SELENOI: variants seen among roughly 807,000 people sequenced by gnomAD.
SELENOI encodes selenoprotein I, also known as ethanolaminephosphotransferase 1.
In SELENOI, 24 loss-of-function variants were observed where a neutral mutation model predicts 50.7. The ratio of observed to expected loss-of-function variants is 0.47; its 90% CI spans 0.34 to 0.67. The LOEUF (loss-of-function observed/expected upper bound fraction) is 0.67. Ranked by LOEUF, SELENOI falls within the 30% of genes least tolerant of loss-of-function variation. SELENOI has a pLI of 0.01. For synonymous variants in SELENOI, 155 were observed against 170.2 expected, an observed-to-expected ratio of 0.91 and a Z score of 0.70; for missense variants, 352 against 461.4, an observed-to-expected ratio of 0.76 and a Z score of 2.17.
chr2:26,357,957 T>C (rs910251374), intron 1 of SELENOI, among the ~76,000 whole-genome samples: 13 of 152,208 alleles, frequency 8.5e-5, no homozygotes, highest in Admixed American at 7.2e-4. Flanking sequence ...TCATGAGATC[T>C]GATGGTTTTA....
At chr2:26,370,491 AC>A (rs1218712489) in intron 4 of SELENOI, among the ~76,000 whole-genome samples, 5 of 145,182 alleles carry the variant, frequency 3.4e-5, no homozygotes, top group Admixed American at 2.0e-4. Context: ...CGGGGGGCTG[AC>A]CCCCCCACCT....
intron 4 of SELENOI, among the ~76,000 whole-genome samples, chr2:26,371,380 G>A (rs1677441156): frequency 6.6e-6 from 1 of 152,030 alleles, no homozygotes; most frequent in South Asian, 2.1e-4. Flanking sequence ...CAGACGATGG[G>A]CAGCCGGGCA....
intron 4 of SELENOI, 27 bp from the exon 5 acceptor site, chr2:26,373,340 T>G: frequency 1.3e-6 from 2 of 1,592,058 alleles, no homozygotes; most frequent in Non-Finnish European, 1.7e-6. Flanking sequence ...TACGTTGAAC[T>G]TTTCCTGTGG....
chr2:26,375,370 A>G (rs1430002413), intron 6 of SELENOI, among the ~76,000 whole-genome samples: 1 of 152,220 alleles, frequency 6.6e-6, no homozygotes, highest in Non-Finnish European at 1.5e-5. Context: ...ATCAGAGGGA[A>G]ATACCAAAAT....
At chr2:26,386,207 C>G in intron 8 of SELENOI, 147 bp from the exon 9 acceptor site, 2 of 796,320 alleles carry the variant, frequency 2.5e-6, no homozygotes, top group Non-Finnish European at 2.0e-6. Context: ...GGCCCCTAAG[C>G]ATTGAGAACT....
chr2:26,367,521 T>C (rs1677311474), intron 4 of SELENOI, among the ~76,000 whole-genome samples: 1 of 152,210 alleles, frequency 6.6e-6, no homozygotes, highest in East Asian at 1.9e-4. Context: ...CCTTTATATA[T>C]TGTCTATGGC....
intron 6 of SELENOI, among the ~76,000 whole-genome samples, chr2:26,377,913 G>A (rs1677602115): frequency 2.6e-5 from 4 of 151,576 alleles, no homozygotes; most frequent in African/African-American, 7.3e-5. Flanking sequence ...GATTATATTT[G>A]TGGAGACTAT....
intron 1 of SELENOI, among the ~76,000 whole-genome samples, chr2:26,348,581 C>T (rs537214364): frequency 5.3e-4 from 81 of 152,246 alleles, no homozygotes; most frequent in African/African-American, 1.8e-3. Flanking sequence ...CACTTGCATT[C>T]GCTATTGTGT....
At chr2:26,384,859 TA>T in intron 7 of SELENOI, 99 bp from the exon 8 acceptor site, 1 of 780,740 alleles carries the variant, frequency 1.3e-6, no homozygotes, top group Non-Finnish European at 1.9e-6. Context: ...ATTGTGAGTA[TA>T]AAATAAGTGT....
chr2:26,377,962 G>A (rs558274779), intron 6 of SELENOI, among the ~76,000 whole-genome samples: 6 of 151,912 alleles, frequency 3.9e-5, no homozygotes, highest in Non-Finnish European at 8.8e-5. Flanking sequence ...TTTTTGTTCT[G>A]ATAGGCATTT....
chr2:26,371,320 G>C (rs1256994958), intron 4 of SELENOI, among the ~76,000 whole-genome samples: 1 of 150,690 alleles, frequency 6.6e-6, no homozygotes, highest in Non-Finnish European at 1.5e-5. Context: ...GGGCAGAGGC[G>C]CTCCTCACAT....
chr2:26,351,051 G>GTTTTTT (rs201345011), intron 1 of SELENOI, among the ~76,000 whole-genome samples: 5 of 102,076 alleles, frequency 4.9e-5, no homozygotes, highest in Middle Eastern at 4.2e-3. Flanking sequence ...TTCACTGTTT[G>GTTTTTT]TTTGTTTTTT....
Position 26,395,719 on chromosome 2 carries a change from G to T in SELENOI, c.*6616G>T, listed in dbSNP as rs1442762336. Reference sequence around the variant, plus strand: ...AATAATCAAGACCAGACTGTTTCTTGTCACTGGATTCTGGAAGCCTTGCCC... The same window carrying T: ...AATAATCAAGACCAGACTGTTTCTTTTCACTGGATTCTGGAAGCCTTGCCC... On this transcript the variant is annotated 3_prime_UTR_variant, in exon 10 of 10. Transcript: ENST00000260585. 3 of 152,578 alleles carry T rather than the reference G, an allele frequency of 2.0e-5. No homozygotes were observed. The South Asian group carries it at 6.2e-4, about 32-fold the overall frequency. The allele number at this position is 152,578 out of a possible 1,614,324, so 9.5% of individuals were successfully genotyped here. A position where few individuals can be genotyped will look rare whatever the true frequency, so the allele number is the denominator to read the frequency against.
chr2:26,354,532 G>A (rs1260938045), intron 1 of SELENOI, among the ~76,000 whole-genome samples: 1 of 151,892 alleles, frequency 6.6e-6, no homozygotes, highest in African/African-American at 2.4e-5. Context: ...GACTACAGGC[G>A]GCCGCCACCA....
intron 4 of SELENOI, among the ~76,000 whole-genome samples, chr2:26,370,986 C>G (rs1357649249): frequency 5.0e-5 from 7 of 141,276 alleles, no homozygotes; most frequent in Non-Finnish European, 7.8e-5. Context: ...GGCTGACCCC[C>G]CCACCTCCCT....
Position 26,373,423 on chromosome 2 carries a change from C to A in SELENOI, c.367C>A (p.Leu123Ile). ...RTNSSTPLGE[L>I]FDHGLDSWSC... ...CAATTCTAGCACTCCCTTAGGGGAG[C>A]TTTTTGATCATGGCCTGGATAGTTG... Residue 123 changes from leucine (L) to isoleucine (I), a missense_variant, in exon 5 of 10, where the codon CTT becomes ATT. Transcript: ENST00000260585. The A allele has an allele frequency of 6.2e-7, 1 of 1,613,176 alleles. No homozygotes were observed. Among genetic ancestry groups the A allele is most frequent in the African/African-American group, 1.3e-5 (1 of 75,048 alleles).
In SELENOI at chr2:26,364,932, A is replaced by G. The variant is rs780124776; in HGVS notation, c.227A>G (p.Tyr76Cys). The G allele has an allele frequency of 6.3e-7, 1 of 1,596,122 alleles. No individual in the cohort carries two copies. Among genetic ancestry groups the G allele is most frequent in the Admixed American group, 1.7e-5 (1 of 58,432 alleles). The part of the protein sequence containing the change: ...LLMAYFDPDF[Y>C]ASAPGHKHVP... Reference sequence around the variant, plus strand: ...ATGGCATACTTTGATCCTGACTTTTATGCCTCAGGTAAGAATATTACTTTA... The same window carrying G: ...ATGGCATACTTTGATCCTGACTTTTGTGCCTCAGGTAAGAATATTACTTTA... Residue 76 changes from tyrosine (Y) to cysteine (C), a missense_variant, in exon 3 of 10, where the codon TAT (tyrosine) becomes TGT (cysteine). Tyr to Cys is a radical substitution (Grantham distance 194, BLOSUM62 -2). Transcript: ENST00000260585.
At chr2:26,351,055 G>GTTTTTTTT (rs35623246) in intron 1 of SELENOI, among the ~76,000 whole-genome samples, 58 of 102,830 alleles carry the variant, frequency 5.6e-4, no homozygotes, top group Non-Finnish European at 8.0e-4. Flanking sequence ...CTGTTTGTTT[G>GTTTTTTTT]TTTTTTTTTT....
intron 8 of SELENOI, among the ~76,000 whole-genome samples, chr2:26,385,890 G>C (rs575179106): frequency 2.0e-5 from 3 of 152,244 alleles, no homozygotes; most frequent in Non-Finnish European, 4.4e-5. Context: ...ATTCAAGTAA[G>C]GTCTTCAAAA....
Sources: gnomAD v4.1 joint callset for allele counts (sites outside exome capture counted in the v4.1 genomes callset) on GRCh38, gnomAD v4.1.1 for gene constraint, MANE v1.5 for transcripts, NCBI Gene and HGNC (gene_info 2026-07-23, HGNC 2026-07-21) for gene names.